The following RAPGEF4 variants were observed in gnomAD, a reference collection of about 807,000 sequenced individuals.
The protein encoded by RAPGEF4 is RAP guanine-nucleotide-exchange factor (GEF) 4.
In RAPGEF4, 66 loss-of-function variants were observed where a neutral mutation model predicts 147.9. The observed-to-expected ratio is 0.45, with a 90% CI of 0.37 to 0.55. The LOEUF is 0.55. Ranked by LOEUF, RAPGEF4 falls within the 20% of genes least tolerant of loss-of-function variation. RAPGEF4 has a pLI of 0.00. For synonymous variants in RAPGEF4, 419 were observed against 442.7 expected (o/e 0.95, Z 0.67); for missense variants, 1,071 against 1,257.3 (o/e 0.85, Z 2.24).
intron 6 of RAPGEF4, among the ~76,000 whole-genome samples, chr2:172,931,995 C>T (rs1686042167): frequency 6.7e-6 from 1 of 149,576 alleles, no homozygotes; most frequent in Non-Finnish European, 1.5e-5. Context: ...CCCACCCCCA[C>T]CCCCATGCGC....
chr2:172,851,153 G>A (rs534163078), intron 4 of RAPGEF4, among the ~76,000 whole-genome samples: 5 of 152,228 alleles, frequency 3.3e-5, no homozygotes, highest in South Asian at 2.1e-4. Flanking sequence ...CTTTGTTCTC[G>A]ATAGTGTCAA....
At chr2:172,969,119 C>G (rs1690186996) in intron 10 of RAPGEF4, among the ~76,000 whole-genome samples, 1 of 152,204 alleles carries the variant, frequency 6.6e-6, no homozygotes, top group African/African-American at 2.4e-5. Flanking sequence ...GAACCCAACA[C>G]AATAAAGAGC....
intron 5 of RAPGEF4, among the ~76,000 whole-genome samples, chr2:172,919,498 C>T (rs945740805): frequency 3.9e-5 from 6 of 152,094 alleles, no homozygotes; most frequent in African/African-American, 1.4e-4. Flanking sequence ...CTCTCTCTGG[C>T]CACTCACATT....
intron 23 of RAPGEF4, among the ~76,000 whole-genome samples, chr2:173,022,364 C>T (rs1253042119): frequency 6.6e-6 from 1 of 152,194 alleles, no homozygotes; most frequent in Admixed American, 6.5e-5. Context: ...GAAGGAATGT[C>T]CTCTGCATTG....
At chr2:172,960,588 C>A (rs1689182028) in intron 6 of RAPGEF4, among the ~76,000 whole-genome samples, 172 bp from the exon 7 acceptor site, 1 of 152,054 alleles carries the variant, frequency 6.6e-6, no homozygotes, top group African/African-American at 2.4e-5. Context: ...TCTAATTTTG[C>A]CCTTTGAATG....
chr2:173,020,828 C>A, intron 23 of RAPGEF4, 113 bp downstream of exon 23: 1 of 719,678 alleles, frequency 1.4e-6, no homozygotes, highest in Non-Finnish European at 2.3e-6. Context: ...TGGTACTTAG[C>A]TTTTTCTTTT....
intron 1 of RAPGEF4, among the ~76,000 whole-genome samples, chr2:172,770,411 T>G (rs1697241844): frequency 6.6e-6 from 1 of 152,208 alleles, no homozygotes; most frequent in Non-Finnish European, 1.5e-5. Context: ...AGGGTGATAA[T>G]ATAATACCTA....
At chr2:172,983,807 A>G (rs1691951159) in intron 11 of RAPGEF4, among the ~76,000 whole-genome samples, 1 of 152,198 alleles carries the variant, frequency 6.6e-6, no homozygotes, top group South Asian at 2.1e-4. Context: ...CCTAAACCCC[A>G]GAGCAGCCCC....
At chr2:172,918,164 TC>T (rs1684289189) in intron 5 of RAPGEF4, 1 of 549,294 alleles carries the variant, frequency 1.8e-6, no homozygotes, top group African/African-American at 1.9e-5. Context: ...AATCCAGTGT[TC>T]TTTCTGTGCC....
At chr2:173,027,329 A>G in intron 25 of RAPGEF4, 70 bp downstream of exon 25, 1 of 1,315,226 alleles carries the variant, frequency 7.6e-7, no homozygotes, top group Admixed American at 2.7e-5. Context: ...TTCTTAGACT[A>G]CACCTTAAAA....
chr2:172,898,645 A>C (rs1205436373), intron 4 of RAPGEF4, among the ~76,000 whole-genome samples: 1 of 152,118 alleles, frequency 6.6e-6, no homozygotes, highest in Admixed American at 6.5e-5. Context: ...ACAAACAAGA[A>C]TGTCCTGGAG....
At chr2:172,741,692 T>C (rs1694312062) in intron 1 of RAPGEF4, among the ~76,000 whole-genome samples, 2 of 152,222 alleles carry the variant, frequency 1.3e-5, no homozygotes, top group South Asian at 4.1e-4. Context: ...TGTGTGTTTT[T>C]AGACAGGGTC....
At chr2:172,801,653 A>G (rs529903156) in intron 3 of RAPGEF4, among the ~76,000 whole-genome samples, 151 of 132,098 alleles carry the variant, frequency 1.1e-3, no homozygotes, top group African/African-American at 3.8e-3. Context: ...GCCCAAGGTC[A>G]TAAAGCTGCT....
chr2:172,862,044 G>A (rs1694108556), intron 4 of RAPGEF4, among the ~76,000 whole-genome samples: 1 of 152,220 alleles, frequency 6.6e-6, no homozygotes, highest in Admixed American at 6.5e-5. Flanking sequence ...TTGATTAGGC[G>A]ATGGGAAGTT....
intron 4 of RAPGEF4, among the ~76,000 whole-genome samples, chr2:172,863,804 C>T (rs1170563715): frequency 2.6e-5 from 4 of 152,134 alleles, no homozygotes; most frequent in Non-Finnish European, 4.4e-5. Context: ...ATTTAGGCTC[C>T]TTTTCAAAAG....
chr2:172,897,915 G>A (rs1698680999), intron 4 of RAPGEF4, among the ~76,000 whole-genome samples: 1 of 151,860 alleles, frequency 6.6e-6, no homozygotes, highest in Admixed American at 6.6e-5. Context: ...AGCTCCAGAT[G>A]AGATGCCTGG....
chr2:172,913,843 A>G (rs1395733215), intron 4 of RAPGEF4, among the ~76,000 whole-genome samples: 1 of 152,204 alleles, frequency 6.6e-6, no homozygotes. Context: ...AAGAATGAAT[A>G]GTGAAAACTA....
At chr2:172,931,870 T>C (rs572300408) in intron 6 of RAPGEF4, among the ~76,000 whole-genome samples, 2 of 152,242 alleles carry the variant, frequency 1.3e-5, no homozygotes, top group Non-Finnish European at 2.9e-5. Flanking sequence ...ATTTGTAACA[T>C]AGATGCGTAA....
chr2:172,753,041 C>T (rs558132950), intron 1 of RAPGEF4, among the ~76,000 whole-genome samples: 14 of 151,930 alleles, frequency 9.2e-5, no homozygotes, highest in African/African-American at 2.9e-4. Flanking sequence ...GGTGTTCAGA[C>T]GATTAATATA....
Sources: gnomAD v4.1 joint callset for allele counts (sites outside exome capture counted in the v4.1 genomes callset) on GRCh38, gnomAD v4.1.1 for gene constraint, MANE v1.5 for transcripts, NCBI Gene and HGNC (gene_info 2026-07-23, HGNC 2026-07-21) for gene names.